SERPINA6: variants seen among roughly 807,000 people sequenced by gnomAD.
SERPINA6 encodes serpin family A member 6, also known as corticosteroid-binding globulin.
SERPINA6 carries 19 observed loss-of-function variants against 26.4 expected under a neutral mutation model. That is an observed-to-expected ratio of 0.72 (90% confidence interval 0.50 to 1.06). The LOEUF is 1.06. SERPINA6 is among the 50% of genes least tolerant of loss of function. The probability of loss-of-function intolerance (pLI) is 0.00; values close to 1 mark genes in which losing one functional copy is unlikely to be tolerated. For missense variants in SERPINA6, 473 were observed against 504.0 expected, an observed-to-expected ratio of 0.94 and a Z score of 0.59; for synonymous variants, 196 against 199.4, an observed-to-expected ratio of 0.98 and a Z score of 0.14.
intron 1 of SERPINA6, among the ~76,000 whole-genome samples, chr14:94,317,117 A>G (rs904500942): frequency 6.6e-6 from 1 of 152,136 alleles, no homozygotes; most frequent in African/African-American, 2.4e-5. Context: ...TTCTCTGGAG[A>G]ACCCTGACTA....
chr14:94,309,870 G>A lies in SERPINA6; in HGVS notation c.750C>T (p.Cys250=). The A allele has an allele frequency of 6.2e-7, 1 of 1,614,170 alleles. No individual in the cohort carries two copies. The highest frequency in any genetic ancestry group is 2.2e-5 in the East Asian group (1 of 44,880). Residue 250 remains cysteine (C), a synonymous_variant, in exon 3 of 5, where the codon TGC becomes TGT. Coordinates refer to ENST00000341584, the MANE Select transcript of SERPINA6 (RefSeq NM_001756.4). ...ISYLHDSELP[C]QLVQMNYVGN... ...CCACGTAGTTCATCTGCACCAGCTG[G>A]CAGGGGAGCTCCGAGTCATGAAGGT...
At chr14:94,319,739 C>G (rs1336025214) in intron 1 of SERPINA6, among the ~76,000 whole-genome samples, 1 of 152,108 alleles carries the variant, frequency 6.6e-6, no homozygotes, top group Non-Finnish European at 1.5e-5. Context: ...AATTCTACAC[C>G]TAGAGTAGCC....
intron 1 of SERPINA6, among the ~76,000 whole-genome samples, chr14:94,317,927 A>G (rs569544038): frequency 1.3e-5 from 2 of 152,362 alleles, no homozygotes; most frequent in East Asian, 1.9e-4. Flanking sequence ...CACAGATGAC[A>G]TGATCTTATA....
At chr14:94,312,424 G>T (rs1895544923) in intron 2 of SERPINA6, among the ~76,000 whole-genome samples, 1 of 151,950 alleles carries the variant, frequency 6.6e-6, no homozygotes, top group Non-Finnish European at 1.5e-5. Flanking sequence ...GAACCTCTGT[G>T]CAACCACTGC....
rs753797561 is a variant in SERPINA6 at position 94,304,371 on chromosome 14, C to T, written c.*47G>A. 4 of 1,584,462 alleles carry T rather than the reference C, an allele frequency of 2.5e-6. No homozygotes were observed. The highest frequency in any genetic ancestry group is 3.5e-6 in the Non-Finnish European group (4 of 1,152,992). Reference sequence around the variant, plus strand: ...TCTCCAAAACATTTCTGTGGGATCCCTGGTTCCCAAAGTCAGACAGTGCTG... The same window carrying T: ...TCTCCAAAACATTTCTGTGGGATCCTTGGTTCCCAAAGTCAGACAGTGCTG... On this transcript the variant is annotated 3_prime_UTR_variant, in exon 5 of 5. Transcript: ENST00000341584.
chr14:94,313,882 C>T (rs1363464209), intron 2 of SERPINA6, 154 bp downstream of exon 2: 2 of 866,932 alleles, frequency 2.3e-6, no homozygotes, highest in South Asian at 1.3e-5. Context: ...TATAATTCCA[C>T]CTACCCAGCA....
At chr14:94,314,732 G>C in intron 1 of SERPINA6, 65 bp from the exon 2 acceptor site, 1 of 1,507,684 alleles carries the variant, frequency 6.6e-7, no homozygotes, top group Non-Finnish European at 9.1e-7. Flanking sequence ...CGTAGTGCAA[G>C]AGGAGGCAGG....
At chr14:94,305,884 G>A (rs373574179) in intron 4 of SERPINA6, among the ~76,000 whole-genome samples, 187 bp downstream of exon 4, 4 of 152,124 alleles carry the variant, frequency 2.6e-5, no homozygotes, top group African/African-American at 9.7e-5. Context: ...TGATCTTGGG[G>A]ATGTCATGTT....
At chr14:94,321,950 C>T (rs955385874) in intron 1 of SERPINA6, among the ~76,000 whole-genome samples, 4 of 152,210 alleles carry the variant, frequency 2.6e-5, no homozygotes, top group Non-Finnish European at 5.9e-5. Context: ...CGTTAATTCT[C>T]TAAGATGAGG....
Position 94,309,884 on chromosome 14 carries a change from A to C in SERPINA6, c.736T>G (p.Ser246Ala), listed in dbSNP as rs2228541. 780,900 of 1,613,792 alleles carry C rather than the reference A, an allele frequency of 0.48. 197,569 individuals carry two copies. The highest frequency in any genetic ancestry group is 0.91 in the East Asian group (40,654 of 44,844). ...QSSTISYLHDSELPCQLVQMN... is the reference protein window; with the variant it reads ...QSSTISYLHDAELPCQLVQMN... ...TGCACCAGCTGGCAGGGGAGCTCCG[A>C]GTCATGAAGGTAACTGATGGTGCTC... The change falls in exon 3 of 5, where the codon TCG (serine) becomes GCG (alanine). Residue 246 changes from serine to alanine, a missense_variant. Transcript: ENST00000341584.
chr14:94,315,642 A>C (rs1895604122), intron 1 of SERPINA6, among the ~76,000 whole-genome samples: 1 of 152,358 alleles, frequency 6.6e-6, no homozygotes, highest in Middle Eastern at 3.4e-3. Context: ...TGAAAGTGAA[A>C]GGATGGAAAA....
At chr14:94,304,833 G>T (rs45515394) in intron 4 of SERPINA6, among the ~76,000 whole-genome samples, 9,266 of 152,092 alleles carry the variant, frequency 0.061, 390 homozygotes, top group Middle Eastern at 0.12. Flanking sequence ...GGGCAGATTG[G>T]GCCCATCACA....
Position 94,306,091 on chromosome 14 carries a change from C to T in SERPINA6, c.1012G>A (p.Ala338Thr), listed in dbSNP as rs759356978. Residue 338 changes from alanine to threonine, a missense_variant, in exon 4 of 5, where the codon GCC becomes ACC. Coordinates refer to ENST00000341584, the MANE Select transcript of SERPINA6 (RefSeq NM_001756.4). ...QANFSRITQD[A>T]QLKSSKVVHK... is the part of the protein sequence containing the mutation. ...TTTACCTTTGATGACTTCAGCTGGGCGTCCTGGGTGATGCGTGAGAAATTT... is the reference window on the plus strand; with the variant it reads ...TTTACCTTTGATGACTTCAGCTGGGTGTCCTGGGTGATGCGTGAGAAATTT... The T allele has an allele frequency of 8.7e-6, 14 of 1,614,052 alleles. No individual in the cohort carries two copies. In the East Asian group the frequency reaches 1.6e-4, roughly 18 times the overall value.
Position 94,311,028 on chromosome 14 carries a change from A to G in SERPINA6, c.614-1022T>C, listed in dbSNP as rs901733344. On this transcript the variant is annotated intron_variant, in intron 2 of 4. Transcript: ENST00000341584. ...TGGGATCTATGGATTGCTCAGCCAA[A>G]ATTCTTGGTTCTAAGCCAGCCACAA... is the stretch of plus-strand genomic sequence containing the variant. 2.6e-5 allele frequency among the ~76,000 whole-genome samples: 4 copies of G among 152,288 alleles called. No homozygotes were observed. The East Asian group carries it at 5.8e-4, about 22-fold the overall frequency.
intron 2 of SERPINA6, 51 bp downstream of exon 2, chr14:94,313,985 T>C (rs779368763): frequency 6.2e-7 from 1 of 1,606,152 alleles, no homozygotes; most frequent in Non-Finnish European, 8.5e-7. Context: ...TTAGCGGCTG[T>C]TATTCCTGGC....
Position 94,314,626 on chromosome 14 carries a change from C to G in SERPINA6, c.23G>C (p.Cys8Ser). The change falls in exon 2 of 5, where the codon TGT becomes TCT. Residue 8 changes from cysteine to serine, a missense_variant. Coordinates refer to ENST00000341584, the MANE Select transcript of SERPINA6 (RefSeq NM_001756.4). ...GCCGCTGGTGGGCAGCCAGAGAAGA[C>G]AGGTGTACAGGAGGAGTGGCATTGT... is the stretch of plus-strand genomic sequence containing the variant. MPLLLYT[C>S]LLWLPTSGLW... is the part of the protein sequence containing the mutation. 6.2e-7 allele frequency: 1 copy of G among 1,613,892 alleles called. No individual in the cohort carries two copies. Among genetic ancestry groups the G allele is most frequent in the Non-Finnish European group, 8.5e-7 (1 of 1,180,026 alleles).
chr14:94,322,449 G>A (rs1895696519), intron 1 of SERPINA6, among the ~76,000 whole-genome samples: 1 of 152,188 alleles, frequency 6.6e-6, no homozygotes, highest in African/African-American at 2.4e-5. Context: ...GGCAGAGGTT[G>A]CAGTGAGCCG....
chr14:94,305,251 G>A (rs1895420778), intron 4 of SERPINA6, among the ~76,000 whole-genome samples: 1 of 152,180 alleles, frequency 6.6e-6, no homozygotes, highest in Admixed American at 6.5e-5. Context: ...TCTGTGAGTG[G>A]CACCCATGGC....
chr14:94,304,918 C>T (rs1050459144), intron 4 of SERPINA6, among the ~76,000 whole-genome samples: 7 of 152,132 alleles, frequency 4.6e-5, no homozygotes, highest in South Asian at 2.1e-4. Context: ...CCTGGGGTAG[C>T]GGAGGGAGAT....
Sources: gnomAD v4.1 joint callset for allele counts (sites outside exome capture counted in the v4.1 genomes callset) on GRCh38, gnomAD v4.1.1 for gene constraint, MANE v1.5 for transcripts, NCBI Gene and HGNC (gene_info 2026-07-23, HGNC 2026-07-21) for gene names.